The following TENM1 variants were observed in gnomAD, a reference collection of about 807,000 sequenced individuals.
The protein encoded by TENM1 is teneurin transmembrane protein 1, also known as teneurin-1.
TENM1 carries 35 observed loss-of-function variants against 174.8 expected under a neutral mutation model. The ratio of observed to expected loss-of-function variants is 0.20; its 90% confidence interval spans 0.15 to 0.27. The LOEUF (loss-of-function observed/expected upper bound fraction) is 0.27, where lower values mean the gene tolerates loss of function less well. TENM1 is among the 10% of genes least tolerant of loss of function. The pLI is 1.00. For missense variants in TENM1, 1,633 were observed against 2,130.1 expected (o/e 0.77, Z 4.59); for synonymous variants, 781 against 798.7 (o/e 0.98, Z 0.37).
chrX:125,195,610 G>T, the TENM1 span, among the ~76,000 whole-genome samples: 2 of 111,170 alleles, frequency 1.8e-5, no homozygotes, highest in Non-Finnish European at 3.8e-5. Context: ...AAAATAAATG[G>T]TGTCACACCT....
At chrX:124,468,755 T>C (rs955496247) in intron 22 of TENM1, among the ~76,000 whole-genome samples, 1 of 112,395 alleles carries the variant, frequency 8.9e-6, no homozygotes, top group Non-Finnish European at 1.9e-5. Flanking sequence ...GAACTGTATG[T>C]ATAATAAAAT....
intron 20 of TENM1, among the ~76,000 whole-genome samples, chrX:124,489,074 A>T (rs2147955282): frequency 8.9e-6 from 1 of 112,605 alleles, no homozygotes; most frequent in East Asian, 2.8e-4. Context: ...TTAAGGATTT[A>T]GGACTGAGCC....
chrX:124,889,090 C>T (rs956783503), intron 3 of TENM1, among the ~76,000 whole-genome samples: 1 of 112,074 alleles, frequency 8.9e-6, no homozygotes, highest in South Asian at 3.7e-4. Context: ...GCTACCGTAT[C>T]TTTATCATGG....
chrX:125,166,300 T>A, the TENM1 span, among the ~76,000 whole-genome samples: 1 of 111,463 alleles, frequency 9.0e-6, no homozygotes, highest in South Asian at 3.7e-4. Flanking sequence ...TAATAATAAC[T>A]CCTCTGTCCA....
At chrX:124,440,700 A>G (rs1030432159) in intron 23 of TENM1, among the ~76,000 whole-genome samples, 4 of 112,017 alleles carry the variant, frequency 3.6e-5, no homozygotes, top group African/African-American at 1.3e-4. Context: ...ATTTAGCATT[A>G]TTATGTAATT....
intron 3 of TENM1, among the ~76,000 whole-genome samples, chrX:124,887,631 T>A (rs911294838): frequency 9.0e-6 from 1 of 111,648 alleles, no homozygotes; most frequent in Admixed American, 9.6e-5. Context: ...TTCAGTATCA[T>A]CAAAGTGGTT....
chrX:124,879,134 C>G (rs183601668), intron 3 of TENM1, among the ~76,000 whole-genome samples: 3 of 112,142 alleles, frequency 2.7e-5, no homozygotes, highest in African/African-American at 9.7e-5. Context: ...GGGAACATTT[C>G]AAGTCCTCTC....
chrX:124,943,564 G>C (rs2058360279), intron 1 of TENM1, among the ~76,000 whole-genome samples: 1 of 112,161 alleles, frequency 8.9e-6, no homozygotes, highest in African/African-American at 3.2e-5. Flanking sequence ...TTTTGTCTGT[G>C]ACCAAAAGAA....
intron 11 of TENM1, among the ~76,000 whole-genome samples, chrX:124,604,341 C>T (rs1399004085): frequency 1.8e-5 from 2 of 111,324 alleles, no homozygotes; most frequent in Non-Finnish European, 3.8e-5. Context: ...TAGGTTCAAT[C>T]CCATATTTTT....
chrX:124,967,503 C>T (rs1163282056), upstream of TENM1, among the ~76,000 whole-genome samples: 2 of 111,303 alleles, frequency 1.8e-5, no homozygotes, highest in African/African-American at 6.5e-5. Flanking sequence ...AATCTAGCCC[C>T]GAGAGCTTTC....
chrX:124,449,459 A>G (rs2061003845), intron 23 of TENM1, among the ~76,000 whole-genome samples: 1 of 112,448 alleles, frequency 8.9e-6, no homozygotes, highest in Non-Finnish European at 1.9e-5. Flanking sequence ...CTACTAAGAC[A>G]AATAATTCTC....
chrX:124,382,869 G>A, intron 30 of TENM1, 57 bp from the exon 34 acceptor site: 2 of 1,041,423 alleles, frequency 1.9e-6, no homozygotes, highest in Non-Finnish European at 2.5e-6. Flanking sequence ...TATAAGCTTT[G>A]TTGAAAACTT....
the TENM1 span, among the ~76,000 whole-genome samples, chrX:125,196,428 A>T: frequency 8.9e-6 from 1 of 111,990 alleles, no homozygotes; most frequent in African/African-American, 3.2e-5. Context: ...CCCCACACAC[A>T]TAAACACAAA....
chrX:124,757,913 A>G (rs933149078), intron 3 of TENM1, among the ~76,000 whole-genome samples: 1 of 112,426 alleles, frequency 8.9e-6, no homozygotes, highest in African/African-American at 3.2e-5. Context: ...AAACAAAAGC[A>G]TTCGAATTCC....
At chrX:125,139,206 T>A in the TENM1 span, among the ~76,000 whole-genome samples, 1 of 111,464 alleles carries the variant, frequency 9.0e-6, no homozygotes, top group Non-Finnish European at 1.9e-5. Context: ...ATAAAATAAT[T>A]GCAGATTGTA....
At chrX:124,746,094 C>T (rs1157847680) in intron 3 of TENM1, among the ~76,000 whole-genome samples, 1 of 111,900 alleles carries the variant, frequency 8.9e-6, no homozygotes, top group Non-Finnish European at 1.9e-5. Flanking sequence ...CCACATACAA[C>T]CCATAATTTT....
intron 15 of TENM1, among the ~76,000 whole-genome samples, chrX:124,542,271 G>C (rs1057227229): frequency 2.7e-5 from 3 of 112,570 alleles, no homozygotes; most frequent in African/African-American, 9.7e-5. Flanking sequence ...AACAAGAAGA[G>C]AACAAATCGG....
chrX:125,175,788 T>C, the TENM1 span, among the ~76,000 whole-genome samples: 1 of 111,308 alleles, frequency 9.0e-6, no homozygotes, highest in Non-Finnish European at 1.9e-5. Flanking sequence ...AAAAAAGCAA[T>C]ACCATGACAA....
the TENM1 span, among the ~76,000 whole-genome samples, chrX:125,135,479 C>T: frequency 4.5e-5 from 5 of 112,063 alleles, no homozygotes; most frequent in African/African-American, 1.6e-4. Flanking sequence ...TGATGTCTAT[C>T]AAACCCTGGG....
Sources: allele counts gnomAD v4.1 joint callset (sites outside exome capture counted in the v4.1 genomes callset), GRCh38; gene constraint gnomAD v4.1.1; transcripts MANE v1.5; gene names NCBI Gene and HGNC (gene_info 2026-07-23, HGNC 2026-07-21).